Variants in LDAH observed in about 807,000 individuals in gnomAD.
LDAH encodes the protein lipid droplet associated hydrolase.
A neutral mutation model predicts 29.6 loss-of-function variants in LDAH; 26 were observed. The ratio of observed to expected loss-of-function variants is 0.88; its 90% confidence interval spans 0.64 to 1.22. The LOEUF (loss-of-function observed/expected upper bound fraction) is 1.22. LDAH is among the 50% of genes most tolerant of loss of function. The pLI, the probability that LDAH is intolerant of heterozygous loss-of-function variation, is 0.00. For missense variants in LDAH, 344 were observed against 387.3 expected (o/e 0.89, Z 0.94); for synonymous variants, 117 against 133.0 (o/e 0.88, Z 0.83).
intron 5 of LDAH, among the ~76,000 whole-genome samples, chr2:20,713,583 C>G (rs1474250490): frequency 1.3e-5 from 2 of 152,190 alleles, no homozygotes; most frequent in Admixed American, 6.5e-5. Context: ...TTAAAAGACA[C>G]AGACTGGCAA....
At chr2:20,774,739 T>C (rs1669673378) in intron 4 of LDAH, 71 bp downstream of exon 4, 2 of 1,453,544 alleles carry the variant, frequency 1.4e-6, no homozygotes, top group East Asian at 2.3e-5. Context: ...CAAAAGAACA[T>C]AGGAAAGGTG....
chr2:20,754,960 A>AAAGTATTAC (rs1375006424), intron 4 of LDAH, among the ~76,000 whole-genome samples: 1 of 152,210 alleles, frequency 6.6e-6, no homozygotes, highest in Non-Finnish European at 1.5e-5. Flanking sequence ...AAGGTAGATT[A>AAAGTATTAC]AAGTATTACA....
chr2:20,779,040 G>A (rs553450893), intron 3 of LDAH, among the ~76,000 whole-genome samples: 2 of 152,118 alleles, frequency 1.3e-5, no homozygotes, highest in Non-Finnish European at 2.9e-5. Flanking sequence ...CAAGACTGGA[G>A]ATTAGCACTA....
chr2:20,710,056 G>A (rs1201605905), intron 5 of LDAH, among the ~76,000 whole-genome samples: 1 of 152,038 alleles, frequency 6.6e-6, no homozygotes, highest in African/African-American at 2.4e-5. Flanking sequence ...AGGAAATAAA[G>A]TTCACACCAG....
intron 4 of LDAH, among the ~76,000 whole-genome samples, chr2:20,743,055 A>G (rs1297552921): frequency 1.3e-5 from 2 of 151,604 alleles, no homozygotes; most frequent in Non-Finnish European, 2.9e-5. Context: ...GAGCCACCAC[A>G]CCAGGCCTAT....
chr2:20,727,132 C>T (rs191525417), intron 5 of LDAH, among the ~76,000 whole-genome samples: 194 of 152,270 alleles, frequency 1.3e-3, no homozygotes, highest in Admixed American at 3.3e-3. Flanking sequence ...AATCTCAGCA[C>T]TGTGGGAGGC....
intron 4 of LDAH, among the ~76,000 whole-genome samples, chr2:20,768,069 T>C (rs577994880): frequency 1.3e-5 from 2 of 152,294 alleles, no homozygotes; most frequent in Admixed American, 6.5e-5. Flanking sequence ...TGAGCTGTTT[T>C]ATTGCTCAAT....
intron 2 of LDAH, among the ~76,000 whole-genome samples, chr2:20,796,987 C>T (rs1031152218): frequency 3.3e-5 from 5 of 152,138 alleles, no homozygotes; most frequent in African/African-American, 9.7e-5. Flanking sequence ...TATCCCTTCT[C>T]GAGTTTAAGA....
At chr2:20,797,498 C>T (rs892221737) in intron 2 of LDAH, among the ~76,000 whole-genome samples, 5 of 152,096 alleles carry the variant, frequency 3.3e-5, no homozygotes, top group African/African-American at 1.2e-4. Flanking sequence ...CCACCTAGGG[C>T]GACCAACTCC....
intron 2 of LDAH, among the ~76,000 whole-genome samples, chr2:20,790,624 G>A (rs925930317): frequency 3.9e-5 from 6 of 152,120 alleles, no homozygotes; most frequent in South Asian, 2.1e-4. Context: ...TCTAAAATCA[G>A]TAATACTGCA....
intron 2 of LDAH, among the ~76,000 whole-genome samples, chr2:20,798,172 T>G (rs146945827): frequency 6.6e-6 from 1 of 152,348 alleles, no homozygotes; most frequent in East Asian, 1.9e-4. Flanking sequence ...TTACTTCTCA[T>G]GTACCTCTTC....
chr2:20,780,439 C>A (rs576902397), intron 3 of LDAH, among the ~76,000 whole-genome samples: 1 of 151,916 alleles, frequency 6.6e-6, no homozygotes, highest in African/African-American at 2.4e-5. Context: ...AAGTGTGTTA[C>A]TTTTTATTGT....
chr2:20,771,924 T>A (rs553475488), intron 4 of LDAH, among the ~76,000 whole-genome samples: 1 of 152,336 alleles, frequency 6.6e-6, no homozygotes, highest in South Asian at 2.1e-4. Context: ...ACAAATAGAG[T>A]AGGTTAAGTT....
intron 3 of LDAH, among the ~76,000 whole-genome samples, chr2:20,777,749 T>C (rs1669922917): frequency 6.6e-6 from 1 of 152,186 alleles, no homozygotes; most frequent in African/African-American, 2.4e-5. Flanking sequence ...ATTCTAGATA[T>C]TATTTTACTA....
chr2:20,740,326 G>T, intron 4 of LDAH, 121 bp from the exon 5 acceptor site: 2 of 697,612 alleles, frequency 2.9e-6, no homozygotes, highest in Non-Finnish European at 4.8e-6. Flanking sequence ...GATCTCTTCA[G>T]AGTGAGAAGA....
intron 6 of LDAH, among the ~76,000 whole-genome samples, chr2:20,687,432 T>C (rs1034626324): frequency 3.3e-5 from 5 of 152,248 alleles, no homozygotes; most frequent in African/African-American, 1.2e-4. Flanking sequence ...AAGACAGTTA[T>C]TGAGACATAG....
At chr2:20,693,671 G>A (rs1663205316) in intron 6 of LDAH, among the ~76,000 whole-genome samples, 1 of 152,232 alleles carries the variant, frequency 6.6e-6, no homozygotes, top group Admixed American at 6.5e-5. Context: ...GTGCCCTTTG[G>A]CTATCCTTGG....
In LDAH at chr2:20,743,544, A is replaced by T. The variant is rs373345637; in HGVS notation, c.469-3339T>A. ...ATTTCACTTATATGTAAGCATACAT[A>T]TAACATATAAACATACAAAATCGAA... On this transcript the variant is annotated intron_variant, in intron 4 of 6. Transcript: ENST00000237822. Among the ~76,000 whole-genome samples, 20 of 152,336 alleles carry T rather than the reference A, an allele frequency of 1.3e-4. No homozygotes were observed. The East Asian group carries it at 3.1e-3, about 24-fold the overall frequency.
At chr2:20,693,875 G>A (rs1663222976) in intron 6 of LDAH, among the ~76,000 whole-genome samples, 1 of 152,234 alleles carries the variant, frequency 6.6e-6, no homozygotes, top group African/African-American at 2.4e-5. Context: ...TGCATGGCAG[G>A]GCAACCAGGA....
Sources: gnomAD v4.1 joint callset for allele counts (sites outside exome capture counted in the v4.1 genomes callset) on GRCh38, gnomAD v4.1.1 for gene constraint, MANE v1.5 for transcripts, NCBI Gene and HGNC (gene_info 2026-07-23, HGNC 2026-07-21) for gene names.